Variants in FAM171A1 observed in about 807,000 individuals in gnomAD.
The protein encoded by FAM171A1 is family with sequence similarity 171 member A1.
FAM171A1 carries 23 observed loss-of-function variants against 74.9 expected under a neutral mutation model. The ratio of observed to expected loss-of-function variants is 0.31; its 90% confidence interval spans 0.22 to 0.44. The LOEUF is 0.44. Among genes scored for constraint, FAM171A1 ranks in the 20% least tolerant of loss-of-function variants. The pLI, the probability that FAM171A1 is intolerant of heterozygous loss-of-function variation, is 1.00. For synonymous variants in FAM171A1, 527 were observed against 505.7 expected, an observed-to-expected ratio of 1.04 and a Z score of -0.57; for missense variants, 1,162 against 1,159.2, an observed-to-expected ratio of 1.00 and a Z score of -0.03.
chr10:15,346,130 T>A (rs6602844), intron 1 of FAM171A1, among the ~76,000 whole-genome samples: 1 of 151,840 alleles, frequency 6.6e-6, no homozygotes, highest in Non-Finnish European at 1.5e-5. Flanking sequence ...AGAGACAGGG[T>A]TGTCTTGTCA....
chr10:15,364,468 T>A lies in FAM171A1; in HGVS notation c.97+6488A>T, dbSNP rs529745722. Among the ~76,000 whole-genome samples, 404 of 152,312 alleles carry A rather than the reference T, an allele frequency of 2.7e-3. 1 individual carries two copies. The highest frequency in any genetic ancestry group is 3.6e-3 in the Non-Finnish European group (244 of 68,032). On this transcript the variant is annotated intron_variant, in intron 1 of 7. Transcript: ENST00000378116. ...CTCCATGCGTTTTTCCAAATGTAAC[T>A]TCAGTAGCTCAGTTCCAAAAAGCAG...
rs142971230 is a variant in FAM171A1, at chr10:15,352,106, G to T, written c.97+18850C>A. The stretch of plus-strand genomic sequence containing the variant: ...AAAAAAAAAATTAGCTGGGTGTGGT[G>T]TGCACACCTGTAGTCCCATCTACTT... On this transcript the variant is annotated intron_variant, in intron 1 of 7. Coordinates refer to ENST00000378116, the MANE Select transcript of FAM171A1 (RefSeq NM_001010924.2). 4.5e-3 allele frequency among the ~76,000 whole-genome samples: 676 copies of T among 150,980 alleles called. 2 individuals are homozygous for T. Among genetic ancestry groups the T allele is most frequent in the African/African-American group, 0.016 (646 of 41,028 alleles).
At chr10:15,253,994 C>T (rs541050118) in intron 4 of FAM171A1, among the ~76,000 whole-genome samples, 1 of 152,322 alleles carries the variant, frequency 6.6e-6, no homozygotes, top group South Asian at 2.1e-4. Context: ...GATCTTTTAG[C>T]TGTGGCATGC....
Position 15,371,094 on chromosome 10 carries a change from G to T in FAM171A1, c.-42C>A, listed in dbSNP as rs923703512. 3 of 920,394 alleles carry T rather than the reference G, an allele frequency of 3.3e-6. No homozygotes were observed. Among genetic ancestry groups the T allele is most frequent in the East Asian group, 1.2e-4 (1 of 8,650 alleles). The allele number at this position is 920,394 out of a possible 1,614,324, so 57.0% of individuals were successfully genotyped here. On this transcript the variant is annotated 5_prime_UTR_variant, in exon 1 of 8. Transcript: ENST00000378116. Reference sequence around the variant, plus strand: ...GCGGCGGCTCGGGCTCGCCGAGAGCGGGCCGGGCGGCGGCGCGTCACGGGC... The same window carrying T: ...GCGGCGGCTCGGGCTCGCCGAGAGCTGGCCGGGCGGCGGCGCGTCACGGGC...
upstream of FAM171A1, among the ~76,000 whole-genome samples, chr10:15,372,517 G>A (rs574392731): frequency 4.4e-4 from 59 of 134,482 alleles, no homozygotes; most frequent in African/African-American, 1.6e-3. Flanking sequence ...CCAACATGGT[G>A]AAACCCTGTC....
chr10:15,272,835 G>A (rs947716905), intron 3 of FAM171A1, among the ~76,000 whole-genome samples: 6 of 152,204 alleles, frequency 3.9e-5, no homozygotes, highest in African/African-American at 1.4e-4. Flanking sequence ...AGATTTCTTT[G>A]AAACCAATGA....
intron 2 of FAM171A1, among the ~76,000 whole-genome samples, chr10:15,280,238 C>A (rs1329921174): frequency 6.6e-6 from 1 of 152,144 alleles, no homozygotes. Context: ...GGGGAGGAGG[C>A]TCCGTGTCAC....
At chr10:15,327,024 T>C (rs1224080192) in intron 1 of FAM171A1, among the ~76,000 whole-genome samples, 1 of 152,150 alleles carries the variant, frequency 6.6e-6, no homozygotes, top group East Asian at 1.9e-4. Context: ...TAGCCAACCA[T>C]CTCTTTCCTC....
chr10:15,356,947 G>C (rs1334134011), intron 1 of FAM171A1, among the ~76,000 whole-genome samples: 2 of 151,734 alleles, frequency 1.3e-5, no homozygotes, highest in Non-Finnish European at 2.9e-5. Context: ...CTCCAGCCTG[G>C]GCAACAGAGT....
rs990294833 is a variant in FAM171A1, at chr10:15,224,972, T to C, written c.755-3912A>G. On this transcript the variant is annotated intron_variant, in intron 5 of 7. Transcript: ENST00000378116. ...TCTCTTCCAAAAATCTACCCAGTCT[T>C]TCAAGATTCAAATCAAGCCCAGTGT... is the stretch of plus-strand genomic sequence containing the variant. Among the ~76,000 whole-genome samples, 3 of 152,170 alleles carry C rather than the reference T, an allele frequency of 2.0e-5. No homozygotes were observed. The East Asian group carries it at 5.8e-4, about 29-fold the overall frequency.
At position 15,312,673 on chromosome 10, in the gene FAM171A1, G is replaced by GTTTTTTTTT. The variant is rs1169098742; in HGVS notation, c.98-28577_98-28569dup. On this transcript the variant is annotated intron_variant, in intron 1 of 7. Coordinates refer to ENST00000378116, the MANE Select transcript of FAM171A1 (RefSeq NM_001010924.2). ...TACTGGAATGAGTTCAGCACTGTGT[G>GTTTTTTTTT]TTTTTTTTTTTTTTTTTTTTTTTTT... Among the ~76,000 whole-genome samples the GTTTTTTTTT allele has an allele frequency of 4.1e-4, 15 of 36,400 alleles. 2 individuals are homozygous for GTTTTTTTTT. The highest frequency in any genetic ancestry group is 7.0e-4 in the African/African-American group (6 of 8,554). 23.9% of individuals were successfully genotyped at this position (36,400 alleles called of 152,430 possible).
At chr10:15,274,833 C>G (rs913885733) in intron 3 of FAM171A1, among the ~76,000 whole-genome samples, 1 of 152,072 alleles carries the variant, frequency 6.6e-6, no homozygotes, top group African/African-American at 2.4e-5. Context: ...TTCACAATAG[C>G]AAAGACTTGG....
At chr10:15,273,850 ACT>A (rs2131797345) in intron 3 of FAM171A1, among the ~76,000 whole-genome samples, 1 of 152,192 alleles carries the variant, frequency 6.6e-6, no homozygotes, top group South Asian at 2.1e-4. Context: ...CATGCTAAAA[ACT>A]CTCAATAAAC....
At chr10:15,300,727 G>C (rs1835218364) in intron 1 of FAM171A1, among the ~76,000 whole-genome samples, 1 of 152,102 alleles carries the variant, frequency 6.6e-6, no homozygotes, top group Non-Finnish European at 1.5e-5. Context: ...CTGCTCTGAA[G>C]CAGAGTTTTC....
chr10:15,287,254 G>A (rs980492718), intron 1 of FAM171A1, among the ~76,000 whole-genome samples: 153 of 150,118 alleles, frequency 1.0e-3, no homozygotes, highest in African/African-American at 3.7e-3. Context: ...ACCACATCCG[G>A]CTAATTTTTT....
intron 3 of FAM171A1, among the ~76,000 whole-genome samples, chr10:15,265,325 A>AT (rs1252651776): frequency 1.3e-5 from 2 of 152,018 alleles, no homozygotes; most frequent in Non-Finnish European, 2.9e-5. Context: ...AACAAAGAAA[A>AT]TAAGTGGGTT....
At chr10:15,295,488 G>A (rs1036624115) in intron 1 of FAM171A1, among the ~76,000 whole-genome samples, 1 of 152,164 alleles carries the variant, frequency 6.6e-6, no homozygotes, top group African/African-American at 2.4e-5. Context: ...TATCTTAAAA[G>A]GGAAAGTAAA....
chr10:15,277,398 A>G (rs942793513), intron 2 of FAM171A1, among the ~76,000 whole-genome samples: 2 of 152,104 alleles, frequency 1.3e-5, no homozygotes. Context: ...TTTAAAAAAT[A>G]TTTTTAGTAG....
chr10:15,245,552 C>A (rs1834421775), intron 5 of FAM171A1, among the ~76,000 whole-genome samples: 2 of 152,244 alleles, frequency 1.3e-5, no homozygotes, highest in Non-Finnish European at 2.9e-5. Context: ...TCCTAATACA[C>A]TCATTATAAC....
Sources: allele counts gnomAD v4.1 joint callset (sites outside exome capture counted in the v4.1 genomes callset), GRCh38; gene constraint gnomAD v4.1.1; transcripts MANE v1.5; gene names NCBI Gene and HGNC (gene_info 2026-07-23, HGNC 2026-07-21).